Variants in AMTN observed in about 807,000 individuals in gnomAD.
The protein encoded by AMTN is RSTI689.
A neutral mutation model predicts 27.4 loss-of-function variants in AMTN; 29 were observed. The ratio of observed to expected loss-of-function variants is 1.06; its 90% CI spans 0.79 to 1.44. AMTN has a LOEUF of 1.44. AMTN is among the 40% of genes most tolerant of loss of function. The pLI is 0.00. For missense variants in AMTN, 247 were observed against 248.8 expected (o/e 0.99, Z 0.05); for synonymous variants, 86 against 95.7 (o/e 0.90, Z 0.59).
chr4:70,528,798 C>G, intron 6 of AMTN, 40 bp downstream of exon 6: 4 of 1,528,574 alleles, frequency 2.6e-6, no homozygotes, highest in East Asian at 2.3e-5. Context: ...TTTAAATCAC[C>G]TTGCTGTGAA....
chr4:70,531,297 A>G lies in AMTN; in HGVS notation c.616A>G (p.Asn206Asp), dbSNP rs764489134. ...AIEEATTESANGIQ is the reference protein window; with the variant it reads ...AIEEATTESADGIQ ...CGAGGAAGCCACCACAGAATCAGCA[A>G]ATGGTAAATTCTCCTAGCTTGGAAC... Residue 206 changes from asparagine to aspartate, a missense_variant, in exon 8 of 9, where the codon AAT becomes GAT. Transcript: ENST00000339336. The G allele has an allele frequency of 3.1e-6, 5 of 1,613,674 alleles. 1 individual carries two copies. The highest frequency in any genetic ancestry group is 3.3e-5 in the Admixed American group (2 of 60,012).
At chr4:70,520,086 G>C (rs1220156610) in intron 2 of AMTN, among the ~76,000 whole-genome samples, 1 of 152,042 alleles carries the variant, frequency 6.6e-6, no homozygotes, top group Non-Finnish European at 1.5e-5. Context: ...AGTTTCTCTA[G>C]TATATTTAAA....
chr4:70,528,360 G>T (rs535580371), intron 5 of AMTN, among the ~76,000 whole-genome samples: 68 of 152,228 alleles, frequency 4.5e-4, no homozygotes, highest in African/African-American at 1.6e-3. Context: ...CTTTTAAGAA[G>T]ATATCAATGG....
chr4:70,522,887 G>T, intron 3 of AMTN, 49 bp downstream of exon 3: 1 of 1,562,460 alleles, frequency 6.4e-7, no homozygotes, highest in South Asian at 1.1e-5. Context: ...AAGAAAATAC[G>T]GAACATGTAC....
At chr4:70,522,370 A>C (rs1189418323) in intron 2 of AMTN, among the ~76,000 whole-genome samples, 1 of 152,208 alleles carries the variant, frequency 6.6e-6, no homozygotes, top group African/African-American at 2.4e-5. Flanking sequence ...ATGAAAAGGT[A>C]GTAAGAATGA....
At chr4:70,521,320 C>T (rs56095282) in intron 2 of AMTN, among the ~76,000 whole-genome samples, 66,254 of 148,142 alleles carry the variant, frequency 0.45, 15,545 homozygotes, top group Admixed American at 0.53. Flanking sequence ...GTGGAGGTTG[C>T]AGTGAGCCAA....
rs937450181 is a variant in AMTN at position 70,532,575 on chromosome 4, G to T, written c.*110G>T. On this transcript the variant is annotated 3_prime_UTR_variant, in exon 9 of 9. Transcript: ENST00000339336. ...TGAGACACATTGGATAGTCTTAGAA[G>T]AAATTAATTCTTAATTTACCTGAAA... 7.1e-6 allele frequency: 7 copies of T among 983,860 alleles called. No individual in the cohort carries two copies. Among genetic ancestry groups the T allele is most frequent in the African/African-American group, 6.7e-5 (4 of 60,018 alleles). The allele number at this position is 983,860 out of a possible 1,614,324, so 60.9% of individuals were successfully genotyped here.
chr4:70,520,281 A>G (rs1048815748), intron 2 of AMTN, among the ~76,000 whole-genome samples: 17 of 152,348 alleles, frequency 1.1e-4, no homozygotes, highest in African/African-American at 4.1e-4. Flanking sequence ...ATGTCTATTC[A>G]GTATGGAAAC....
intron 2 of AMTN, 134 bp downstream of exon 2, chr4:70,518,965 T>A (rs955783042): frequency 1.3e-6 from 1 of 751,576 alleles, no homozygotes; most frequent in Non-Finnish European, 2.3e-6. Flanking sequence ...CAGTGTTTAT[T>A]TTCCAAGACA....
At chr4:70,525,643 C>G (rs1736085816) in intron 5 of AMTN, among the ~76,000 whole-genome samples, 1 of 152,304 alleles carries the variant, frequency 6.6e-6, no homozygotes, top group South Asian at 2.1e-4. Context: ...ACGCTGTAAT[C>G]CCAGCACTTT....
intron 7 of AMTN, among the ~76,000 whole-genome samples, chr4:70,530,007 A>G (rs1341051570): frequency 6.6e-6 from 1 of 152,098 alleles, no homozygotes; most frequent in Admixed American, 6.6e-5. Context: ...TGTTGCTTTC[A>G]ACCTTCCCCA....
chr4:70,521,694 T>A (rs1171753943), intron 2 of AMTN, among the ~76,000 whole-genome samples: 4 of 112,770 alleles, frequency 3.5e-5, no homozygotes, highest in Non-Finnish European at 6.7e-5. Context: ...AGAGTCTCAC[T>A]CTGCAACCTC....
Position 70,521,936 on chromosome 4 carries a change from C to T in AMTN, c.55-819C>T, listed in dbSNP as rs186477774. Reference sequence around the variant, plus strand: ...ACCGTGCCCAGCCCCAACCTCTCCTCATAACTAAGGGGGAAATTCCAGCGT... The same window carrying T: ...ACCGTGCCCAGCCCCAACCTCTCCTTATAACTAAGGGGGAAATTCCAGCGT... On this transcript the variant is annotated intron_variant, in intron 2 of 8. Coordinates refer to ENST00000339336, the MANE Select transcript of AMTN (RefSeq NM_212557.4). 3.2e-3 allele frequency among the ~76,000 whole-genome samples: 489 copies of T among 152,174 alleles called. 7 individuals carry two copies. Among genetic ancestry groups the T allele is most frequent in the African/African-American group, 0.011 (471 of 41,520 alleles).
At chr4:70,518,890 GACCT>G in intron 2 of AMTN, 59 bp downstream of exon 2, 1 of 1,351,096 alleles carries the variant, frequency 7.4e-7, no homozygotes. Context: ...TCTAGCTGCA[GACCT>G]ACCTCTCTCC....
intron 6 of AMTN, 81 bp from the exon 7 acceptor site, chr4:70,529,103 G>C: frequency 8.1e-7 from 1 of 1,229,252 alleles, no homozygotes; most frequent in Non-Finnish European, 1.1e-6. Context: ...AGTATTTTAA[G>C]TTTTAAGTGA....
chr4:70,521,550 A>G (rs1038218808), intron 2 of AMTN, among the ~76,000 whole-genome samples: 8 of 147,084 alleles, frequency 5.4e-5, no homozygotes, highest in African/African-American at 1.7e-4. Context: ...CAAAATTTAT[A>G]TATATTATAT....
At chr4:70,524,604 C>T (rs76128868) in intron 4 of AMTN, among the ~76,000 whole-genome samples, 10 of 152,238 alleles carry the variant, frequency 6.6e-5, no homozygotes, top group Middle Eastern at 3.4e-3. Context: ...AAATAAATCA[C>T]TTAAGTAATT....
chr4:70,518,868 T>C, intron 2 of AMTN, 37 bp downstream of exon 2: 1 of 1,531,168 alleles, frequency 6.5e-7, no homozygotes, highest in Non-Finnish European at 9.1e-7. Flanking sequence ...GCCAGCCAGT[T>C]TCAACAGCAT....
At chr4:70,528,268 C>T (rs1051537138) in intron 5 of AMTN, among the ~76,000 whole-genome samples, 4 of 152,140 alleles carry the variant, frequency 2.6e-5, no homozygotes, top group Non-Finnish European at 4.4e-5. Flanking sequence ...AAGTTCCAAA[C>T]TCCCATCCAG....
Sources: allele counts gnomAD v4.1 joint callset (sites outside exome capture counted in the v4.1 genomes callset), GRCh38; gene constraint gnomAD v4.1.1; transcripts MANE v1.5; gene names NCBI Gene and HGNC (gene_info 2026-07-23, HGNC 2026-07-21).